Variants in MLLT3 observed in about 807,000 individuals in gnomAD.
The protein encoded by MLLT3 is MLLT3 super elongation complex subunit, also known as protein AF-9.
Under a neutral mutation model 53.2 loss-of-function variants are expected in MLLT3, and 4 were observed. The observed-to-expected ratio is 0.08, with a 90% CI of 0.04 to 0.17. The LOEUF (loss-of-function observed/expected upper bound fraction) is 0.17, where lower values mean the gene tolerates loss of function less well. Ranked by LOEUF, MLLT3 falls within the 10% of genes least tolerant of loss-of-function variation. The pLI is 1.00. For synonymous variants in MLLT3, 283 were observed against 230.6 expected, an observed-to-expected ratio of 1.23 and a Z score of -2.06; for missense variants, 569 against 684.0, an observed-to-expected ratio of 0.83 and a Z score of 1.87.
In MLLT3 at chr9:20,621,902, C is replaced by CGTGTGT. The variant is rs142328824; in HGVS notation, c.12+337_12+342dup. The stretch of plus-strand genomic sequence containing the variant: ...TGAGTTATTATTCGCCTCCTTCCAC[C>CGTGTGT]GTGTGTGTGTGTGTGTGTGAGTGCG... On this transcript the variant is annotated intron_variant, in intron 1 of 10. Transcript: ENST00000380338. The surrounding 1 kb of genome is among the most constrained non-coding windows in gnomAD (Gnocchi z 7.0). The CGTGTGT allele has an allele frequency of 5.5e-4, 680 of 1,233,128 alleles. No homozygotes were observed. Among genetic ancestry groups the CGTGTGT allele is most frequent in the East Asian group, 2.2e-3 (66 of 30,264 alleles). 76.4% of individuals were successfully genotyped at this position (1,233,128 alleles called of 1,614,324 possible).
chr9:20,513,964 G>T (rs1205956417), intron 2 of MLLT3, among the ~76,000 whole-genome samples: 3 of 152,218 alleles, frequency 2.0e-5, no homozygotes, highest in African/African-American at 7.2e-5. Context: ...AAGTGGATTT[G>T]GTGGTCATAT....
chr9:20,508,221 G>A (rs963844120), intron 2 of MLLT3, among the ~76,000 whole-genome samples: 1 of 152,142 alleles, frequency 6.6e-6, no homozygotes, highest in African/African-American at 2.4e-5. Context: ...CAGAACACTT[G>A]AAACAAGTAA....
intron 2 of MLLT3, among the ~76,000 whole-genome samples, chr9:20,468,585 G>T (rs1286318447): frequency 2.0e-5 from 3 of 152,220 alleles, no homozygotes; most frequent in Non-Finnish European, 2.9e-5. Flanking sequence ...CTGAGTTTGA[G>T]TCCTGTGATG....
chr9:20,586,186 G>T (rs1267485610), intron 2 of MLLT3, among the ~76,000 whole-genome samples: 2 of 152,012 alleles, frequency 1.3e-5, no homozygotes, highest in Admixed American at 1.3e-4. Context: ...CAGGTGTGGT[G>T]GTGTGTGCCT....
At chr9:20,371,845 T>C (rs2118670430) in intron 5 of MLLT3, among the ~76,000 whole-genome samples, 1 of 152,352 alleles carries the variant, frequency 6.6e-6, no homozygotes, top group Non-Finnish European at 1.5e-5. Context: ...TAGATAGTGA[T>C]TCCTCTGATA....
At chr9:20,432,217 G>A (rs1823289655) in intron 4 of MLLT3, among the ~76,000 whole-genome samples, 2 of 152,124 alleles carry the variant, frequency 1.3e-5, no homozygotes, top group Admixed American at 1.3e-4. Context: ...GTCCTGTGCG[G>A]TAAGTACTTG....
chr9:20,393,836 G>A (rs142513672), intron 5 of MLLT3, among the ~76,000 whole-genome samples: 1 of 152,262 alleles, frequency 6.6e-6, no homozygotes, highest in East Asian at 1.9e-4. Context: ...AGTAACAAGA[G>A]AAAGTGATAA....
At chr9:20,543,602 G>A (rs535055128) in intron 2 of MLLT3, among the ~76,000 whole-genome samples, 3 of 151,784 alleles carry the variant, frequency 2.0e-5, no homozygotes, top group Admixed American at 6.6e-5. Flanking sequence ...TGATCGTGCC[G>A]GTATACTCCA....
chr9:20,618,162 G>C (rs530190337), intron 2 of MLLT3, among the ~76,000 whole-genome samples: 2 of 152,242 alleles, frequency 1.3e-5, no homozygotes, highest in East Asian at 3.9e-4. Flanking sequence ...TTATAACTCA[G>C]ATTTCTCACA....
intron 2 of MLLT3, among the ~76,000 whole-genome samples, chr9:20,562,464 T>A (rs1418410852): frequency 6.6e-6 from 1 of 152,238 alleles, no homozygotes; most frequent in Admixed American, 6.6e-5. Flanking sequence ...ACTAACAGAT[T>A]TTAATAAACT....
intron 4 of MLLT3, among the ~76,000 whole-genome samples, chr9:20,427,946 T>C (rs934453122): frequency 6.6e-6 from 1 of 152,122 alleles, no homozygotes; most frequent in Non-Finnish European, 1.5e-5. Flanking sequence ...CATATTATTA[T>C]TTGCTGTTTT....
intron 2 of MLLT3, among the ~76,000 whole-genome samples, chr9:20,515,095 C>T (rs545750401): frequency 1.5e-4 from 23 of 151,840 alleles, no homozygotes; most frequent in South Asian, 4.2e-4. Context: ...TACAGGTGCC[C>T]GCCACCACGC....
chr9:20,575,661 T>G (rs1219450436), intron 2 of MLLT3, among the ~76,000 whole-genome samples: 1 of 152,168 alleles, frequency 6.6e-6, no homozygotes, highest in East Asian at 1.9e-4. Context: ...CAGTAATATT[T>G]TGAAAGAAAT....
At chr9:20,460,322 C>A (rs1000901214) in intron 2 of MLLT3, among the ~76,000 whole-genome samples, 5 of 152,182 alleles carry the variant, frequency 3.3e-5, no homozygotes, top group Non-Finnish European at 7.4e-5. Context: ...TCAGAAGCTA[C>A]TGAATGAATA....
chr9:20,548,276 C>T (rs1818841137), intron 2 of MLLT3, among the ~76,000 whole-genome samples: 1 of 152,202 alleles, frequency 6.6e-6, no homozygotes, highest in Non-Finnish European at 1.5e-5. Flanking sequence ...CAGGAAAAAG[C>T]ATCTATCTCA....
intron 10 of MLLT3, among the ~76,000 whole-genome samples, chr9:20,350,142 ACC>A (rs930713257): frequency 3.3e-5 from 5 of 152,200 alleles, no homozygotes; most frequent in African/African-American, 1.2e-4. Context: ...GCCTGAACAC[ACC>A]CCATGAGTGC....
intron 2 of MLLT3, among the ~76,000 whole-genome samples, chr9:20,551,786 C>G (rs1818932050): frequency 6.6e-6 from 1 of 152,212 alleles, no homozygotes; most frequent in African/African-American, 2.4e-5. Flanking sequence ...AAATCTATGA[C>G]AGACTTTGAT....
intron 2 of MLLT3, among the ~76,000 whole-genome samples, chr9:20,580,493 T>A (rs531310585): frequency 1.3e-5 from 2 of 152,170 alleles, no homozygotes; most frequent in African/African-American, 2.4e-5. Flanking sequence ...AGACTCTTCA[T>A]AAAACAAGTT....
At chr9:20,444,172 A>G (rs989698774) in intron 4 of MLLT3, among the ~76,000 whole-genome samples, 11 of 152,172 alleles carry the variant, frequency 7.2e-5, no homozygotes, top group Non-Finnish European at 2.9e-5. Context: ...GTGATAAGGG[A>G]ATAGAGAGAA....
Sources: allele counts gnomAD v4.1 joint callset (sites outside exome capture counted in the v4.1 genomes callset), GRCh38; gene constraint gnomAD v4.1.1; non-coding constraint Gnocchi (gnomAD v3.1); transcripts MANE v1.5; gene names NCBI Gene and HGNC (gene_info 2026-07-23, HGNC 2026-07-21).